NHLRC2: variants seen among roughly 807,000 people sequenced by gnomAD.
NHLRC2 encodes NHL repeat-containing protein 2.
NHLRC2 carries 33 observed loss-of-function variants against 68.1 expected under a neutral mutation model. The ratio of observed to expected loss-of-function variants is 0.48; its 90% CI spans 0.37 to 0.65. The LOEUF (loss-of-function observed/expected upper bound fraction) is 0.65. NHLRC2 is among the 30% of genes least tolerant of loss of function. The pLI is 0.00. For missense variants in NHLRC2, 761 were observed against 853.8 expected, an observed-to-expected ratio of 0.89 and a Z score of 1.35; for synonymous variants, 311 against 309.6, an observed-to-expected ratio of 1.00 and a Z score of -0.05.
chr10:113,892,496 A>T (rs1421838873), intron 5 of NHLRC2, among the ~76,000 whole-genome samples: 1 of 152,134 alleles, frequency 6.6e-6, no homozygotes, highest in African/African-American at 2.4e-5. Flanking sequence ...GGAAATGTTC[A>T]TGATTACCAC....
intron 2 of NHLRC2, among the ~76,000 whole-genome samples, chr10:113,859,396 A>AT (rs914785630): frequency 3.9e-5 from 6 of 152,152 alleles, no homozygotes; most frequent in East Asian, 1.9e-4. Flanking sequence ...CTTGGAGTGG[A>AT]TAAAAAAAAG....
At chr10:113,885,121 A>G (rs1846069548) in intron 5 of NHLRC2, among the ~76,000 whole-genome samples, 1 of 151,920 alleles carries the variant, frequency 6.6e-6, no homozygotes, top group Non-Finnish European at 1.5e-5. Context: ...ATATTTAAAG[A>G]GTATATAAGT....
At chr10:113,887,916 C>T (rs573870196) in intron 5 of NHLRC2, among the ~76,000 whole-genome samples, 2 of 151,606 alleles carry the variant, frequency 1.3e-5, no homozygotes, top group South Asian at 4.2e-4. Context: ...ACTGTATGAT[C>T]TTACTTGTGG....
chr10:113,895,965 G>A (rs1352828747), intron 5 of NHLRC2, among the ~76,000 whole-genome samples: 1 of 152,098 alleles, frequency 6.6e-6, no homozygotes, highest in Non-Finnish European at 1.5e-5. Flanking sequence ...TCCACAATGA[G>A]ATACCATCTC....
intron 5 of NHLRC2, among the ~76,000 whole-genome samples, chr10:113,897,389 A>C (rs564455356): frequency 6.6e-6 from 1 of 152,142 alleles, no homozygotes; most frequent in East Asian, 1.9e-4. Flanking sequence ...TTTACCCTCT[A>C]TGGTGTCTAT....
In NHLRC2 at chr10:113,913,086, T is replaced by C. The variant is rs1846344936; in HGVS notation, c.*4550T>C. The stretch of plus-strand genomic sequence containing the variant: ...AACTCATTTAATCCACACAACAACC[T>C]TATGTGAGAAATACCATTTTTCCTT... On this transcript the variant is annotated 3_prime_UTR_variant, in exon 11 of 11. Transcript: ENST00000369301. 1 of 152,206 alleles carries C rather than the reference T, an allele frequency of 6.6e-6. No homozygotes were observed. The highest frequency in any genetic ancestry group is 6.5e-5 in the Admixed American group (1 of 15,284). The allele number at this position is 152,206 out of a possible 1,614,324, so 9.4% of individuals were successfully genotyped here. A position where few individuals can be genotyped will look rare whatever the true frequency, so the allele number is the denominator to read the frequency against.
rs771802806 is a variant in NHLRC2, at chr10:113,898,142, A to G, written c.1072A>G (p.Ile358Val). The change falls in exon 6 of 11, where the codon ATA becomes GTA. Residue 358 changes from isoleucine (I) to valine (V), a missense_variant. Physicochemically the swap from Ile to Val is conservative, Grantham distance 29. Transcript: ENST00000369301. Reference protein sequence around the residue: ...SEVQRGDILWIAMAGTHQIWA... With the variant: ...SEVQRGDILWVAMAGTHQIWA... ...GGTCCAAAGAGGTGACATTTTATGGATAGCCATGGCAGGGACTCATCAGAT... is the reference window on the plus strand; with the variant it reads ...GGTCCAAAGAGGTGACATTTTATGGGTAGCCATGGCAGGGACTCATCAGAT... The G allele has an allele frequency of 2.5e-6, 4 of 1,612,748 alleles. No individual in the cohort carries two copies. The South Asian group carries it at 4.4e-5, about 18-fold the overall frequency.
intron 5 of NHLRC2, among the ~76,000 whole-genome samples, chr10:113,896,713 G>C (rs547666865): frequency 6.6e-6 from 1 of 152,210 alleles, no homozygotes; most frequent in East Asian, 1.9e-4. Flanking sequence ...TGAACTGGCT[G>C]GGCATGGTGG....
rs546432669 is a variant in NHLRC2 at position 113,914,281 on chromosome 10, C to T, written c.*5745C>T. On this transcript the variant is annotated 3_prime_UTR_variant, in exon 11 of 11. Transcript: ENST00000369301. The stretch of plus-strand genomic sequence containing the variant: ...TCCTGTGTTCAAGCAATTCTCCTGC[C>T]TCAGCCTCCTGAGTAGCTGGGATTA... 1.3e-5 allele frequency: 2 copies of T among 152,478 alleles called. No individual in the cohort carries two copies. Among genetic ancestry groups the T allele is most frequent in the African/African-American group, 4.8e-5 (2 of 41,572 alleles). The allele number at this position is 152,478 out of a possible 1,614,324, so 9.4% of individuals were successfully genotyped here.
intron 2 of NHLRC2, among the ~76,000 whole-genome samples, chr10:113,867,004 G>GTT (rs1406810017): frequency 6.6e-6 from 1 of 152,174 alleles, no homozygotes; most frequent in Non-Finnish European, 1.5e-5. Flanking sequence ...TTGCCAACCA[G>GTT]AGAAGCTTAG....
chr10:113,866,648 G>T (rs1845870185), intron 2 of NHLRC2, among the ~76,000 whole-genome samples: 1 of 151,784 alleles, frequency 6.6e-6, no homozygotes, highest in Non-Finnish European at 1.5e-5. Context: ...TTAGAAGAAT[G>T]CACTTTTAAT....
intron 2 of NHLRC2, among the ~76,000 whole-genome samples, chr10:113,863,997 A>G (rs1405073011): frequency 6.6e-6 from 1 of 152,206 alleles, no homozygotes; most frequent in African/African-American, 2.4e-5. Context: ...GTGTCCATTG[A>G]TGGATCGTGG....
chr10:113,880,221 C>A (rs182277393), intron 4 of NHLRC2, among the ~76,000 whole-genome samples: 21 of 152,026 alleles, frequency 1.4e-4, no homozygotes, highest in African/African-American at 5.1e-4. Context: ...GGTAACCATC[C>A]ACTGTTAAAG....
In NHLRC2 at chr10:113,906,446, T is replaced by C. The variant is rs186977696; in HGVS notation, c.1924+1410T>C. Among the ~76,000 whole-genome samples, 21 of 152,216 alleles carry C rather than the reference T, an allele frequency of 1.4e-4. No individual in the cohort carries two copies. The East Asian group carries it at 3.7e-3, about 27-fold the overall frequency. Reference sequence around the variant, plus strand: ...GTACACTTATGTTTAAAGGACATTTTCTCTTTTGGCTTGTTATTTAGAAAC... The same window carrying C: ...GTACACTTATGTTTAAAGGACATTTCCTCTTTTGGCTTGTTATTTAGAAAC... On this transcript the variant is annotated intron_variant, in intron 10 of 10. Coordinates refer to ENST00000369301, the MANE Select transcript of NHLRC2 (RefSeq NM_198514.4).
At position 113,855,047 on chromosome 10, in the gene NHLRC2, G is replaced by T; in HGVS notation, c.175G>T (p.Glu59Ter). ...GGACTTGTCAGTACCCGAGTTTCCG[G>T]AAGGTGAGGGGCTGGCGTCGGGGTG... ...EQDLSVPEFP[E>*]GLEWLNTEEP... The change falls in exon 1 of 11, where the codon GAA (glutamate) becomes TAA (stop). Residue 59 changes from glutamate (E) to a stop codon, truncating the protein, a stop_gained. Transcript: ENST00000369301. LOFTEE classifies it high-confidence loss of function. 2 of 1,551,742 alleles carry T rather than the reference G, an allele frequency of 1.3e-6. No homozygotes were observed. Among genetic ancestry groups the T allele is most frequent in the Non-Finnish European group, 1.7e-6 (2 of 1,146,976 alleles).
In NHLRC2 at chr10:113,908,519, C is replaced by T. The variant is rs1441002011; in HGVS notation, c.2164C>T (p.Leu722Phe). ...GCAAGGTTGCATAGCTCCAGTAGAG[C>T]TCAGGTATGTATTTTAGCCAGCCAG... is the stretch of plus-strand genomic sequence containing the variant. The part of the protein sequence containing the change: ...TQQGCIAPVE[L>F]RYVF Residue 722 changes from leucine (L) to phenylalanine (F), a missense_variant, in exon 11 of 11, where the codon CTC becomes TTC. By Grantham distance (22) the Leu-to-Phe change is conservative. Transcript: ENST00000369301. 1.9e-6 allele frequency: 3 copies of T among 1,614,028 alleles called. No homozygotes were observed. The highest frequency in any genetic ancestry group is 2.5e-6 in the Non-Finnish European group (3 of 1,179,942).
At chr10:113,881,825 A>G (rs1321196411) in intron 4 of NHLRC2, among the ~76,000 whole-genome samples, 1 of 151,776 alleles carries the variant, frequency 6.6e-6, no homozygotes, top group Non-Finnish European at 1.5e-5. Flanking sequence ...TCATCCCCCA[A>G]GTAAGAACCC....
Position 113,902,008 on chromosome 10 carries a change from GA to G in NHLRC2, c.1371+113del. The stretch of plus-strand genomic sequence containing the variant: ...GAGAGACCATCCTTGGCCTATCTGC[GA>G]ATCAAAATGAAAGTCAGACCAAAGG... On this transcript the variant is annotated intron_variant, in intron 7 of 10. Transcript: ENST00000369301. 5 of 724,544 alleles carry G rather than the reference GA, an allele frequency of 6.9e-6. No homozygotes were observed. In the South Asian group the frequency reaches 9.5e-5, roughly 14 times the overall value. 44.9% of individuals were successfully genotyped at this position (724,544 alleles called of 1,614,324 possible).
chr10:113,903,672 A>G lies in NHLRC2; in HGVS notation c.1640A>G (p.Tyr547Cys). The G allele has an allele frequency of 6.2e-7, 1 of 1,603,152 alleles. No homozygotes were observed. The highest frequency in any genetic ancestry group is 8.5e-7 in the Non-Finnish European group (1 of 1,170,140). The change falls in exon 9 of 11, where the codon TAT becomes TGT. Residue 547 changes from tyrosine (Y) to cysteine (C), a missense_variant. Coordinates refer to ENST00000369301, the MANE Select transcript of NHLRC2 (RefSeq NM_198514.4). ...ATTGGAGAGAATGGAGAATTATTAT[A>G]TGTAGCAGACACCAATAATCATCAA... is the stretch of plus-strand genomic sequence containing the variant. ...LCIGENGELL[Y>C]VADTNNHQIK...
Sources: allele counts gnomAD v4.1 joint callset (sites outside exome capture counted in the v4.1 genomes callset), GRCh38; gene constraint gnomAD v4.1.1; transcripts MANE v1.5; gene names NCBI Gene and HGNC (gene_info 2026-07-23, HGNC 2026-07-21).